Variants in CD48 observed in about 807,000 individuals in gnomAD.
CD48 encodes the protein CD48 molecule, also known as CD48 antigen.
A neutral mutation model predicts 22.0 loss-of-function variants in CD48; 20 were observed. That is an observed-to-expected ratio of 0.91 (90% CI 0.64 to 1.32). CD48 has a LOEUF of 1.32. Among genes scored for constraint, CD48 ranks in the 40% most tolerant of loss-of-function variants. The pLI, the probability that CD48 is intolerant of heterozygous loss-of-function variation, is 0.00. For missense variants in CD48, 307 were observed against 286.5 expected (o/e 1.07, Z -0.52); for synonymous variants, 110 against 110.1 (o/e 1.00, Z 0.01).
chr1:160,690,417 G>T (rs750394566), intron 1 of CD48, among the ~76,000 whole-genome samples: 2 of 152,214 alleles, frequency 1.3e-5, no homozygotes, highest in Non-Finnish European at 1.5e-5. Flanking sequence ...CTTAACACCA[G>T]GTTCCTGATT....
chr1:160,695,222 G>C (rs1025109326), intron 1 of CD48, among the ~76,000 whole-genome samples: 4 of 152,298 alleles, frequency 2.6e-5, no homozygotes, highest in Non-Finnish European at 4.4e-5. Flanking sequence ...ATGCTTAATA[G>C]TCCAACTATT....
chr1:160,711,483 G>A (rs190368601), intron 1 of CD48, among the ~76,000 whole-genome samples, 199 bp downstream of exon 1: 3 of 152,244 alleles, frequency 2.0e-5, no homozygotes, highest in East Asian at 1.9e-4. Flanking sequence ...TCACATCCCC[G>A]TGGGAAAGGA....
At chr1:160,710,881 G>A (rs987110943) in intron 1 of CD48, among the ~76,000 whole-genome samples, 4 of 152,192 alleles carry the variant, frequency 2.6e-5, no homozygotes, top group Non-Finnish European at 5.9e-5. Flanking sequence ...TCAGAGTGGT[G>A]AGCATTAAAG....
intron 1 of CD48, among the ~76,000 whole-genome samples, chr1:160,703,553 G>A (rs1321482174): frequency 6.6e-6 from 1 of 152,158 alleles, no homozygotes; most frequent in Admixed American, 6.5e-5. Flanking sequence ...TATGGTACAT[G>A]CAGCAAAGAT....
chr1:160,679,482 C>G (rs1046802254), intron 3 of CD48, among the ~76,000 whole-genome samples: 4 of 152,124 alleles, frequency 2.6e-5, no homozygotes, highest in Admixed American at 6.5e-5. Context: ...CAATGCACAG[C>G]TGACTTTAGA....
intron 1 of CD48, among the ~76,000 whole-genome samples, chr1:160,694,173 G>C (rs1662325663): frequency 1.3e-5 from 2 of 152,372 alleles, no homozygotes; most frequent in South Asian, 4.1e-4. Flanking sequence ...TGGAGTGCCA[G>C]TCCAGGAGAC....
At chr1:160,697,330 G>A (rs1226035169) in intron 1 of CD48, among the ~76,000 whole-genome samples, 7 of 152,110 alleles carry the variant, frequency 4.6e-5, no homozygotes, top group African/African-American at 1.5e-4. Context: ...CCACGGAGAT[G>A]GTAACACCAG....
rs376135927 is a variant in CD48 at position 160,679,171 on chromosome 1, A to G, written c.653-40T>C. On this transcript the variant is annotated intron_variant, in intron 3 of 3. Coordinates refer to ENST00000368046, the MANE Select transcript of CD48 (RefSeq NM_001778.4). ...AAACCCTATATGCTTAGGTATCTTT[A>G]TCTTGACTAATGTATTGAGAAGGGG... The G allele has an allele frequency of 3.3e-6, 5 of 1,511,018 alleles. No homozygotes were observed. In the African/African-American group the frequency reaches 4.1e-5, roughly 12 times the overall value. 93.6% of individuals were successfully genotyped at this position (1,511,018 alleles called of 1,614,324 possible).
intron 2 of CD48, chr1:160,683,898 G>A (rs1232363396): frequency 6.6e-6 from 1 of 151,934 alleles, no homozygotes; most frequent in African/African-American, 2.4e-5. Flanking sequence ...CCAACCCCTG[G>A]AGCCCCTCCC....
At chr1:160,690,887 C>T (rs755487002) in intron 1 of CD48, among the ~76,000 whole-genome samples, 1 of 152,142 alleles carries the variant, frequency 6.6e-6, no homozygotes, top group Non-Finnish European at 1.5e-5. Flanking sequence ...ATTATTCTGC[C>T]TTGAGATGCT....
chr1:160,708,154 G>C (rs1229306432), intron 1 of CD48, among the ~76,000 whole-genome samples: 1 of 152,136 alleles, frequency 6.6e-6, no homozygotes, highest in Non-Finnish European at 1.5e-5. Flanking sequence ...GACGACTGGG[G>C]GTAGTGAATA....
chr1:160,684,325 T>C (rs1661912036), intron 2 of CD48: 1 of 159,054 alleles, frequency 6.3e-6, no homozygotes, highest in Admixed American at 6.3e-5. Context: ...TGAAGATCTT[T>C]TTTCAAGGCT....
At chr1:160,700,820 A>G (rs1558037732) in intron 1 of CD48, among the ~76,000 whole-genome samples, 2 of 152,176 alleles carry the variant, frequency 1.3e-5, no homozygotes, top group African/African-American at 4.8e-5. Context: ...GGTTGAATAC[A>G]TTGTTTATCG....
intron 3 of CD48, 141 bp from the exon 4 acceptor site, chr1:160,679,272 G>T: frequency 3.1e-6 from 2 of 651,682 alleles, no homozygotes; most frequent in South Asian, 3.7e-5. Context: ...ATCCTATTTG[G>T]CTGGGACATT....
At position 160,680,686 on chromosome 1, in the gene CD48, C is replaced by T. The variant is rs570206707; in HGVS notation, c.652+516G>A. The T allele has an allele frequency of 4.2e-5, 43 of 1,012,924 alleles. No individual in the cohort carries two copies. In the East Asian group the frequency reaches 1.0e-3, roughly 24 times the overall value. 62.7% of individuals were successfully genotyped at this position (1,012,924 alleles called of 1,614,324 possible). A position where few individuals can be genotyped will look rare whatever the true frequency, so the allele number is the denominator to read the frequency against. On this transcript the variant is annotated intron_variant, in intron 3 of 3. Transcript: ENST00000368046. ...ACATCAGGCTGGGGAGGAGAAGCTT[C>T]GCCTGAGGCTCAGGCTCTCACGCCT...
At chr1:160,696,696 T>C (rs899356523) in intron 1 of CD48, among the ~76,000 whole-genome samples, 1 of 77,962 alleles carries the variant, frequency 1.3e-5, no homozygotes, top group Non-Finnish European at 2.9e-5. Context: ...TGTACCTTCA[T>C]TTGGAAGATT....
chr1:160,682,103 T>C (rs981993701), intron 2 of CD48, among the ~76,000 whole-genome samples: 5 of 152,100 alleles, frequency 3.3e-5, no homozygotes, highest in Non-Finnish European at 7.4e-5. Context: ...ACATGGCAGG[T>C]ATTCTATAAG....
intron 1 of CD48, among the ~76,000 whole-genome samples, chr1:160,706,757 G>A (rs1331541343): frequency 6.6e-6 from 1 of 152,094 alleles, no homozygotes; most frequent in Non-Finnish European, 1.5e-5. Context: ...TCCTGTCTGT[G>A]CCCGCCCATG....
intron 1 of CD48, among the ~76,000 whole-genome samples, chr1:160,708,457 A>C (rs1662855828): frequency 6.6e-6 from 1 of 152,194 alleles, no homozygotes; most frequent in Non-Finnish European, 1.5e-5. Context: ...AGCAGTTAGG[A>C]TAGTGGATCA....
Sources: allele counts gnomAD v4.1 joint callset (sites outside exome capture counted in the v4.1 genomes callset), GRCh38; gene constraint gnomAD v4.1.1; transcripts MANE v1.5; gene names NCBI Gene and HGNC (gene_info 2026-07-23, HGNC 2026-07-21).